GABRA5: variants seen among roughly 807,000 people sequenced by gnomAD.
The protein encoded by GABRA5 is gamma-aminobutyric acid type A receptor subunit alpha5.
GABRA5 carries 18 observed loss-of-function variants against 47.3 expected under a neutral mutation model. The ratio of observed to expected loss-of-function variants is 0.38; its 90% CI spans 0.26 to 0.56. The LOEUF is 0.56. GABRA5 is among the 20% of genes least tolerant of loss of function. The probability of loss-of-function intolerance (pLI) is 0.71; values close to 1 mark genes in which losing one functional copy is unlikely to be tolerated. For synonymous variants in GABRA5, 237 were observed against 229.3 expected, an observed-to-expected ratio of 1.03 and a Z score of -0.30; for missense variants, 365 against 599.3, an observed-to-expected ratio of 0.61 and a Z score of 4.08.
At chr15:26,923,880 T>C (rs1034502406) in intron 7 of GABRA5, among the ~76,000 whole-genome samples, 3 of 152,172 alleles carry the variant, frequency 2.0e-5, no homozygotes, top group African/African-American at 7.2e-5. Flanking sequence ...CTTTTTATCA[T>C]GGATATTTTA....
intron 7 of GABRA5, among the ~76,000 whole-genome samples, chr15:26,932,726 A>G (rs567251171): frequency 6.6e-5 from 10 of 152,360 alleles, no homozygotes; most frequent in South Asian, 2.1e-4. Flanking sequence ...ATGCCCATCA[A>G]TGATAGACTG....
intron 6 of GABRA5, among the ~76,000 whole-genome samples, chr15:26,887,572 G>C (rs529569436): frequency 6.6e-6 from 1 of 151,708 alleles, no homozygotes; most frequent in African/African-American, 2.4e-5. Context: ...CCTCAGCCTC[G>C]GCCTCCACCC....
chr15:26,887,176 A>G (rs541827399), intron 6 of GABRA5, among the ~76,000 whole-genome samples: 16 of 152,370 alleles, frequency 1.1e-4, no homozygotes, highest in African/African-American at 3.8e-4. Context: ...GGTGTCTATT[A>G]TATTACTTAT....
At chr15:26,933,014 A>T (rs1187024876) in intron 7 of GABRA5, among the ~76,000 whole-genome samples, 1 of 151,804 alleles carries the variant, frequency 6.6e-6, no homozygotes, top group Non-Finnish European at 1.5e-5. Context: ...TACCTAGGTG[A>T]TGGGTTGATA....
rs369593453 is a variant in GABRA5, at chr15:26,883,348, A to G, written c.288A>G (p.Ile96Met). Residue 96 changes from isoleucine to methionine, a missense_variant, in exon 6 of 11, where the codon ATA becomes ATG. Ile to Met is a conservative substitution (Grantham distance 10). Around this residue, in one of 3 missense-constraint regions of GABRA5, gnomAD observed 216 missense variants for 335.3 expected, o/e 0.64. Coordinates refer to ENST00000335625, the MANE Select transcript of GABRA5 (RefSeq NM_000810.4). This position sits in a 1 kb window ranked among gnomAD's most constrained non-coding sequence, Gnocchi z 4.8. ...TTCCTTTCCACTAGGAGTACACCAT[A>G]GACGTGTTTTTCCGACAAAGCTGGA... ...PVSDTEMEYT[I>M]DVFFRQSWKD... is the part of the protein sequence containing the mutation. 9.3e-6 allele frequency: 15 copies of G among 1,613,928 alleles called. No individual in the cohort carries two copies. The highest frequency in any genetic ancestry group is 1.6e-4 in the Middle Eastern group (1 of 6,062).
At chr15:26,915,217 T>A (rs1893692047) in intron 7 of GABRA5, among the ~76,000 whole-genome samples, 1 of 152,206 alleles carries the variant, frequency 6.6e-6, no homozygotes, top group Non-Finnish European at 1.5e-5. Context: ...ACAGGTCACC[T>A]GGTCAAAGGT....
At chr15:26,887,046 T>C (rs1892897050) in intron 6 of GABRA5, among the ~76,000 whole-genome samples, 1 of 152,202 alleles carries the variant, frequency 6.6e-6, no homozygotes, top group Non-Finnish European at 1.5e-5. Context: ...TCCTTCTGGT[T>C]GGGAAGACGC....
At chr15:26,938,659 T>C (rs1270504507) in intron 8 of GABRA5, among the ~76,000 whole-genome samples, 1 of 152,216 alleles carries the variant, frequency 6.6e-6, no homozygotes, top group African/African-American at 2.4e-5. Context: ...GCTACCAACA[T>C]ACCCTCTGCC....
chr15:26,916,079 A>T (rs1302432658), intron 7 of GABRA5, among the ~76,000 whole-genome samples: 3 of 152,058 alleles, frequency 2.0e-5, no homozygotes, highest in East Asian at 1.9e-4. Context: ...TTGCCACACC[A>T]GTTTCTTCTT....
At chr15:26,871,119 G>A (rs1235547367) in intron 3 of GABRA5, among the ~76,000 whole-genome samples, 2 of 152,172 alleles carry the variant, frequency 1.3e-5, no homozygotes, top group African/African-American at 4.8e-5. Flanking sequence ...GCTTGAACCC[G>A]GGAGGTGGAG....
intron 7 of GABRA5, among the ~76,000 whole-genome samples, chr15:26,936,719 C>T (rs1021623617): frequency 2.6e-5 from 4 of 152,146 alleles, no homozygotes; most frequent in South Asian, 2.1e-4. Flanking sequence ...GGAATGCGGC[C>T]GGGCGCTGCT....
In GABRA5 at chr15:26,920,840, T is replaced by A. The variant is rs1434784395; in HGVS notation, c.580+5955T>A. Among the ~76,000 whole-genome samples the A allele has an allele frequency of 3.3e-5, 5 of 152,156 alleles. No homozygotes were observed. In the East Asian group the frequency reaches 9.6e-4, roughly 29 times the overall value. ...TCCTAGGCATCTAGGGTCTGCTGGATCCCACTAGCACTCAGAGACAAGCAA... is the reference window on the plus strand; with the variant it reads ...TCCTAGGCATCTAGGGTCTGCTGGAACCCACTAGCACTCAGAGACAAGCAA... On this transcript the variant is annotated intron_variant, in intron 7 of 10. Transcript: ENST00000335625.
rs1893684706 is a variant in GABRA5 at position 26,914,903 on chromosome 15, G to A, written c.580+18G>A. ...TGGCAGCTGTAAGTTATTTTCACAA[G>A]TAAGAGCCTTGGACATATACTTTGG... On this transcript the variant is annotated intron_variant, in intron 7 of 10. Transcript: ENST00000335625. 3.1e-6 allele frequency: 5 copies of A among 1,602,782 alleles called. No homozygotes were observed. The highest frequency in any genetic ancestry group is 2.7e-5 in the African/African-American group (2 of 74,678).
At chr15:26,882,700 G>C (rs978647750) in intron 4 of GABRA5, among the ~76,000 whole-genome samples, 2 of 152,126 alleles carry the variant, frequency 1.3e-5, no homozygotes, top group Non-Finnish European at 2.9e-5. Context: ...ATCGTTTCCC[G>C]GAGACCACCC....
intron 7 of GABRA5, among the ~76,000 whole-genome samples, chr15:26,931,926 T>G (rs939165154): frequency 8.5e-5 from 13 of 152,048 alleles, no homozygotes; most frequent in Admixed American, 5.2e-4. Context: ...ATGCAGAAAA[T>G]TGAGAGTGGA....
At chr15:26,880,721 G>A (rs1382940544) in intron 3 of GABRA5, 125 bp from the exon 4 acceptor site, 2 of 898,906 alleles carry the variant, frequency 2.2e-6, no homozygotes, top group East Asian at 2.6e-5. Flanking sequence ...CACTATGGGA[G>A]CTGTGTTCTC....
At chr15:26,919,149 C>CA (rs112662410) in intron 7 of GABRA5, among the ~76,000 whole-genome samples, 72,648 of 151,144 alleles carry the variant, frequency 0.48, 18,137 homozygotes, top group Middle Eastern at 0.62. Flanking sequence ...TCTCAAGAAA[C>CA]AAAACACACA....
chr15:26,943,210 C>T lies in GABRA5; in HGVS notation c.878-5C>T, dbSNP rs747574193. On this transcript the variant is annotated splice_region_variant and splice_polypyrimidine_tract_variant and intron_variant, in intron 9 of 10. Coordinates refer to ENST00000335625, the MANE Select transcript of GABRA5 (RefSeq NM_000810.4). ...TTTTCACTCTGCCCTGCCTGACCCC[C>T]GCAGGGGTCACCACGGTGCTGACCA... 50 of 1,550,350 alleles carry T rather than the reference C, an allele frequency of 3.2e-5. No individual in the cohort carries two copies. Among genetic ancestry groups the T allele is most frequent in the Admixed American group, 2.3e-4 (12 of 51,080 alleles).
chr15:26,913,995 T>C (rs1177232786), intron 6 of GABRA5, among the ~76,000 whole-genome samples: 1 of 152,156 alleles, frequency 6.6e-6, no homozygotes, highest in Non-Finnish European at 1.5e-5. Context: ...GAGATGGTTA[T>C]AGCACCAGAT....
Sources: gnomAD v4.1 joint callset for allele counts (sites outside exome capture counted in the v4.1 genomes callset) on GRCh38, gnomAD v4.1.1 for gene constraint, gnomAD v4.1.1 regional missense constraint, Gnocchi (gnomAD v3.1) non-coding constraint, MANE v1.5 for transcripts, NCBI Gene and HGNC (gene_info 2026-07-23, HGNC 2026-07-21) for gene names.